The following AGTPBP1 variants were observed in gnomAD, a reference collection of about 807,000 sequenced individuals.
AGTPBP1 encodes the protein cytosolic carboxypeptidase 1.
A neutral mutation model predicts 143.9 loss-of-function variants in AGTPBP1; 70 were observed. The ratio of observed to expected loss-of-function variants is 0.49; its 90% CI spans 0.40 to 0.59. AGTPBP1 has a LOEUF of 0.59. Among genes scored for constraint, AGTPBP1 ranks in the 20% least tolerant of loss-of-function variants. AGTPBP1 has a pLI of 0.00. For missense variants in AGTPBP1, 1,229 were observed against 1,464.5 expected (o/e 0.84, Z 2.62); for synonymous variants, 463 against 500.2 (o/e 0.93, Z 0.99).
intron 10 of AGTPBP1, among the ~76,000 whole-genome samples, chr9:85,657,162 CTAAAACT>C (rs1353735513): frequency 1.1e-4 from 16 of 140,890 alleles, no homozygotes; most frequent in Admixed American, 2.9e-4. Flanking sequence ...CACATGTACC[CTAAAACT>C]TAAAAGTATA....
intron 14 of AGTPBP1, among the ~76,000 whole-genome samples, chr9:85,629,440 A>G (rs1052352936): frequency 2.6e-5 from 4 of 152,202 alleles, no homozygotes; most frequent in African/African-American, 9.6e-5. Context: ...TTCCTCCATC[A>G]TCAGGATAGG....
chr9:85,760,976 A>T, the AGTPBP1 span, among the ~76,000 whole-genome samples: 1 of 152,162 alleles, frequency 6.6e-6, no homozygotes, highest in Non-Finnish European at 1.5e-5. Context: ...CACCAATAAC[A>T]GACAAACAGA....
the AGTPBP1 span, among the ~76,000 whole-genome samples, chr9:85,778,147 G>A: frequency 6.6e-6 from 1 of 152,170 alleles, no homozygotes; most frequent in Non-Finnish European, 1.5e-5. Flanking sequence ...GGACCTGCTT[G>A]AGCCTGATCA....
intron 6 of AGTPBP1, among the ~76,000 whole-genome samples, chr9:85,674,549 C>A (rs1287339379): frequency 6.6e-6 from 1 of 151,592 alleles, no homozygotes; most frequent in Non-Finnish European, 1.5e-5. Context: ...CTTATTTTTT[C>A]ATTTTCATTT....
chr9:85,756,265 A>G, the AGTPBP1 span: 1 of 1,568,616 alleles, frequency 6.4e-7, no homozygotes. Context: ...TCTGTTTAAT[A>G]CACTACTTGA....
the AGTPBP1 span, among the ~76,000 whole-genome samples, chr9:85,747,637 A>G: frequency 1.3e-5 from 2 of 152,156 alleles, no homozygotes; most frequent in Non-Finnish European, 2.9e-5. Context: ...GCTATTATAA[A>G]TGGAATTGCT....
At position 85,612,787 on chromosome 9, in the gene AGTPBP1, G is replaced by T. The variant is rs1587736611; in HGVS notation, c.2335+6196C>A. On this transcript the variant is annotated intron_variant, in intron 17 of 25. Coordinates refer to ENST00000357081, the MANE Select transcript of AGTPBP1 (RefSeq NM_001330701.2). ...AGGAAGGACACCCAGTTGGTGTCTG[G>T]AGAGTAGAAGAACTGGAATGTGTGG... Among the ~76,000 whole-genome samples the T allele has an allele frequency of 2.0e-5, 3 of 152,260 alleles. No homozygotes were observed. The East Asian group carries it at 5.8e-4, about 29-fold the overall frequency.
intron 25 of AGTPBP1, among the ~76,000 whole-genome samples, chr9:85,564,742 C>T (rs145732451): frequency 1.3e-5 from 2 of 152,096 alleles, no homozygotes; most frequent in Non-Finnish European, 2.9e-5. Flanking sequence ...GATATTCATA[C>T]GATGATGAAA....
intron 17 of AGTPBP1, among the ~76,000 whole-genome samples, chr9:85,611,285 ATTG>A (rs1830303626): frequency 6.6e-6 from 1 of 151,816 alleles, no homozygotes; most frequent in Non-Finnish European, 1.5e-5. Context: ...AAACACATCA[ATTG>A]TAAGAATTTT....
chr9:85,753,038 A>T, the AGTPBP1 span, among the ~76,000 whole-genome samples: 1 of 152,038 alleles, frequency 6.6e-6, no homozygotes, highest in Non-Finnish European at 1.5e-5. Flanking sequence ...TAAACAAAAA[A>T]ATCCCCACAT....
chr9:85,793,753 T>G, the AGTPBP1 span, among the ~76,000 whole-genome samples: 1 of 152,160 alleles, frequency 6.6e-6, no homozygotes, highest in African/African-American at 2.4e-5. Context: ...TTATGTGAGT[T>G]TAGTTGGCCC....
chr9:85,732,086 G>A (rs1457582373), intron 1 of AGTPBP1, among the ~76,000 whole-genome samples: 1 of 151,828 alleles, frequency 6.6e-6, no homozygotes, highest in Non-Finnish European at 1.5e-5. Context: ...CTCCAACTCA[G>A]ATTTCAACTA....
chr9:85,720,858 G>A (rs918015256), intron 1 of AGTPBP1, among the ~76,000 whole-genome samples: 60 of 152,282 alleles, frequency 3.9e-4, no homozygotes, highest in African/African-American at 1.4e-3. Flanking sequence ...ATTCTGGTAC[G>A]TTGTGTCTTT....
At chr9:85,669,183 G>A (rs1223259363) in intron 8 of AGTPBP1, among the ~76,000 whole-genome samples, 1 of 151,630 alleles carries the variant, frequency 6.6e-6, no homozygotes, top group Non-Finnish European at 1.5e-5. Context: ...CTCAATAAAT[G>A]TTTCTGAATG....
At chr9:85,671,615 G>T (rs1011141420) in intron 7 of AGTPBP1, among the ~76,000 whole-genome samples, 1 of 151,810 alleles carries the variant, frequency 6.6e-6, no homozygotes, top group Non-Finnish European at 1.5e-5. Flanking sequence ...ATGATATTCT[G>T]CAATAACATA....
At chr9:85,655,734 C>T (rs759339235) in intron 10 of AGTPBP1, among the ~76,000 whole-genome samples, 19 of 151,560 alleles carry the variant, frequency 1.3e-4, no homozygotes, top group African/African-American at 1.7e-4. Flanking sequence ...TTCCTCAGAA[C>T]TGTATCAGTT....
chr9:85,671,412 A>G (rs1254099898), intron 7 of AGTPBP1, among the ~76,000 whole-genome samples: 1 of 151,200 alleles, frequency 6.6e-6, no homozygotes, highest in East Asian at 1.9e-4. Flanking sequence ...TTGTTTCCTT[A>G]TGTTCTTTTT....
At chr9:85,551,144 C>T (rs1284857925) in intron 25 of AGTPBP1, among the ~76,000 whole-genome samples, 3 of 152,066 alleles carry the variant, frequency 2.0e-5, no homozygotes, top group Non-Finnish European at 2.9e-5. Flanking sequence ...GCCAAGCAGA[C>T]GGTGGCACCA....
rs556300867 is a variant in AGTPBP1 at position 85,564,861 on chromosome 9, G to A, written c.3503+10454C>T. The stretch of plus-strand genomic sequence containing the variant: ...CTTTTGAGTTAATGTTGGAATAAGC[G>A]AACATTTTGGGACTATTGAGATGGA... On this transcript the variant is annotated intron_variant, in intron 25 of 25. Transcript: ENST00000357081. Among the ~76,000 whole-genome samples, 4 of 152,322 alleles carry A rather than the reference G, an allele frequency of 2.6e-5. No individual in the cohort carries two copies. The South Asian group carries it at 8.3e-4, about 32-fold the overall frequency.
Sources: allele counts gnomAD v4.1 joint callset (sites outside exome capture counted in the v4.1 genomes callset), GRCh38; gene constraint gnomAD v4.1.1; transcripts MANE v1.5; gene names NCBI Gene and HGNC (gene_info 2026-07-23, HGNC 2026-07-21).